DPY19L2: variants seen among roughly 807,000 people sequenced by gnomAD.
DPY19L2 encodes the protein dpy-19 like 2.
In DPY19L2, 34 loss-of-function variants were observed where a neutral mutation model predicts 97.9. The ratio of observed to expected loss-of-function variants is 0.35; its 90% CI spans 0.26 to 0.46. The LOEUF (loss-of-function observed/expected upper bound fraction) is 0.46, where lower values mean the gene tolerates loss of function less well. DPY19L2 is among the 20% of genes least tolerant of loss of function. The pLI, the probability that DPY19L2 is intolerant of heterozygous loss-of-function variation, is 1.00. For synonymous variants in DPY19L2, 230 were observed against 307.9 expected (o/e 0.75, Z 2.65); for missense variants, 623 against 911.4 (o/e 0.68, Z 4.07).
intron 11 of DPY19L2, among the ~76,000 whole-genome samples, chr12:63,611,267 G>C (rs950707684): frequency 6.6e-6 from 1 of 151,964 alleles, no homozygotes; most frequent in Non-Finnish European, 1.5e-5. Context: ...AATCTTAAAA[G>C]CAAGACCTGA....
chr12:63,646,538 ATGT>A (rs1390122544), intron 5 of DPY19L2, among the ~76,000 whole-genome samples: 1 of 152,152 alleles, frequency 6.6e-6, no homozygotes, highest in African/African-American at 2.4e-5. Flanking sequence ...ATAGTAAGTC[ATGT>A]TGTTAAGAAT....
chr12:63,618,876 A>T (rs1888248411), intron 9 of DPY19L2, among the ~76,000 whole-genome samples: 1 of 152,164 alleles, frequency 6.6e-6, no homozygotes, highest in Admixed American at 6.5e-5. Flanking sequence ...ATAGAAATAG[A>T]TCCACAAAAG....
chr12:63,608,907 T>G (rs117146862), intron 11 of DPY19L2, among the ~76,000 whole-genome samples: 6,706 of 152,120 alleles, frequency 0.044, 197 homozygotes, highest in Middle Eastern at 0.085. Flanking sequence ...TTTCCTCACT[T>G]AAATACCCTG....
chr12:63,633,022 C>T (rs1331791492), intron 6 of DPY19L2, among the ~76,000 whole-genome samples: 2 of 152,098 alleles, frequency 1.3e-5, no homozygotes, highest in Non-Finnish European at 2.9e-5. Flanking sequence ...ATGTAGAAAG[C>T]TGACACTGGA....
intron 3 of DPY19L2, 86 bp downstream of exon 3, chr12:63,663,672 G>T: frequency 3.5e-6 from 4 of 1,155,374 alleles, no homozygotes; most frequent in African/African-American, 3.1e-5. Context: ...TTGACCAGAA[G>T]TTCATTTCAA....
chr12:63,594,592 T>C (rs1441838676), intron 15 of DPY19L2, among the ~76,000 whole-genome samples: 1 of 151,140 alleles, frequency 6.6e-6, no homozygotes, highest in African/African-American at 2.4e-5. Flanking sequence ...TGTGTGTGTG[T>C]GTGCGTGCAC....
At chr12:63,588,574 G>GA (rs1882219978) in intron 16 of DPY19L2, among the ~76,000 whole-genome samples, 1 of 151,678 alleles carries the variant, frequency 6.6e-6, no homozygotes, top group African/African-American at 2.4e-5. Flanking sequence ...TTAATAAGGA[G>GA]AAAAAATATA....
chr12:63,589,357 CAAAAAAAAAAAAAAAAAAAA>C lies in DPY19L2; in HGVS notation c.1580+4710_1580+4729del, dbSNP rs71086687. ...AATGTGGCTAGATAAAAATGTGTTG[CAAAAAAAAAAAAAAAAAAAA>C]AAAAAAAAAAAAAAAGTAAAGCAGC... On this transcript the variant is annotated intron_variant, in intron 16 of 21. Coordinates refer to ENST00000324472, the MANE Select transcript of DPY19L2 (RefSeq NM_173812.5). 1.4e-3 allele frequency among the ~76,000 whole-genome samples: 27 copies of C among 18,992 alleles called. 1 individual carries two copies. Among genetic ancestry groups the C allele is most frequent in the South Asian group, 0.012 (2 of 166 alleles). The allele number at this position is 18,992 out of a possible 152,430, so 12.5% of individuals were successfully genotyped here. A position where few individuals can be genotyped will look rare whatever the true frequency, so the allele number is the denominator to read the frequency against.
In DPY19L2 at chr12:63,668,412, A is replaced by C; in HGVS notation, c.-19T>G. 1.9e-6 allele frequency: 3 copies of C among 1,577,508 alleles called. No individual in the cohort carries two copies. The highest frequency in any genetic ancestry group is 2.6e-6 in the Non-Finnish European group (3 of 1,162,624). On this transcript the variant is annotated 5_prime_UTR_variant, in exon 1 of 22. Transcript: ENST00000324472. ...TTCTCATAATCAAGGAGTATGGTGG[A>C]GCTGGGTCAATTTCAGGCACAGCCC... is the stretch of plus-strand genomic sequence containing the variant.
intron 4 of DPY19L2, among the ~76,000 whole-genome samples, chr12:63,655,437 ATT>A (rs1418147555): frequency 6.6e-6 from 1 of 152,136 alleles, no homozygotes; most frequent in Non-Finnish European, 1.5e-5. Flanking sequence ...CAAATATGAT[ATT>A]GAATCAACTC....
At chr12:63,651,926 C>A in intron 4 of DPY19L2, 1 of 384,932 alleles carries the variant, frequency 2.6e-6, no homozygotes, top group Non-Finnish European at 4.4e-6. Flanking sequence ...CTGTCCCTTC[C>A]CAGAAGTGGA....
intron 6 of DPY19L2, among the ~76,000 whole-genome samples, chr12:63,628,317 T>C (rs1889935540): frequency 6.6e-6 from 1 of 152,090 alleles, no homozygotes; most frequent in Admixed American, 6.5e-5. Flanking sequence ...CCTTTCCTAA[T>C]CAAAGAAAGG....
intron 4 of DPY19L2, among the ~76,000 whole-genome samples, chr12:63,655,341 A>C (rs181926051): frequency 6.6e-6 from 1 of 152,318 alleles, no homozygotes; most frequent in African/African-American, 2.4e-5. Flanking sequence ...GGATACAGAT[A>C]AACCAAATTT....
Position 63,644,422 on chromosome 12 carries a change from T to C in DPY19L2, c.784A>G (p.Met262Val). Residue 262 changes from methionine (M) to valine (V), a missense_variant, in exon 6 of 22, where the codon ATG becomes GTG. By Grantham distance (21) the Met-to-Val change is conservative. Coordinates refer to ENST00000324472, the MANE Select transcript of DPY19L2 (RefSeq NM_173812.5). Reference protein sequence around the residue: ...LNGLMMGLFFMYGAYLSGTQL... With the variant: ...LNGLMMGLFFVYGAYLSGTQL... ...TCTTACCTCAGGTATGCTCCATACA[T>C]GAAGAACAATCCCATCATTAGTCCA... 1.2e-6 allele frequency: 2 copies of C among 1,611,596 alleles called. No homozygotes were observed. The highest frequency in any genetic ancestry group is 2.7e-5 in the African/African-American group (2 of 74,926).
At chr12:63,571,305 A>ACTG (rs1346161461) in intron 19 of DPY19L2, among the ~76,000 whole-genome samples, 8 of 152,154 alleles carry the variant, frequency 5.3e-5, no homozygotes, top group East Asian at 1.9e-4. Context: ...AAGGTTGCAG[A>ACTG]CTGCTGTTGT....
At chr12:63,586,828 C>T (rs1221063757) in intron 16 of DPY19L2, among the ~76,000 whole-genome samples, 1 of 151,924 alleles carries the variant, frequency 6.6e-6, no homozygotes, top group Non-Finnish European at 1.5e-5. Context: ...AGAGAAACCA[C>T]CAGGAAATAC....
intron 19 of DPY19L2, among the ~76,000 whole-genome samples, chr12:63,577,664 T>C (rs4086187): frequency 0.52 from 78,925 of 151,812 alleles, 20,665 homozygotes; most frequent in East Asian, 0.72. Flanking sequence ...GGCAAACAGG[T>C]ACATGAAAAG....
At chr12:63,578,813 CCTAGGGAGCACT>C (rs902977825) in intron 19 of DPY19L2, among the ~76,000 whole-genome samples, 11 of 151,750 alleles carry the variant, frequency 7.2e-5, no homozygotes, top group Non-Finnish European at 1.3e-4. Flanking sequence ...GATTTTGCTC[CCTAGGGAGCACT>C]ATCAACTTCT....
intron 4 of DPY19L2, among the ~76,000 whole-genome samples, chr12:63,656,174 C>T (rs1180873517): frequency 6.6e-6 from 1 of 152,182 alleles, no homozygotes; most frequent in Non-Finnish European, 1.5e-5. Context: ...TGGCTTTCTA[C>T]ATCCAAGGGA....
Sources: allele counts gnomAD v4.1 joint callset (sites outside exome capture counted in the v4.1 genomes callset), GRCh38; gene constraint gnomAD v4.1.1; transcripts MANE v1.5; gene names NCBI Gene and HGNC (gene_info 2026-07-23, HGNC 2026-07-21).